PCDH15: variants seen among roughly 807,000 people sequenced by gnomAD.
The protein encoded by PCDH15 is protocadherin-15.
PCDH15 carries 129 observed loss-of-function variants against 178.5 expected under a neutral mutation model. The observed-to-expected ratio is 0.72, with a 90% confidence interval of 0.63 to 0.84. The LOEUF (loss-of-function observed/expected upper bound fraction) is 0.84, where lower values mean the gene tolerates loss of function less well. Ranked by LOEUF, PCDH15 falls within the 40% of genes least tolerant of loss-of-function variation. The pLI is 0.00. For synonymous variants in PCDH15, 800 were observed against 732.0 expected, an observed-to-expected ratio of 1.09 and a Z score of -1.50; for missense variants, 2,230 against 2,099.9, an observed-to-expected ratio of 1.06 and a Z score of -1.21.
intron 1 of PCDH15, among the ~76,000 whole-genome samples, chr10:54,670,109 A>G (rs1414138645): frequency 1.3e-5 from 2 of 152,162 alleles, no homozygotes; most frequent in Non-Finnish European, 1.5e-5. Flanking sequence ...GTCTCAACAT[A>G]TAGATTCATC....
chr10:54,523,869 A>C (rs1406596786), intron 3 of PCDH15, among the ~76,000 whole-genome samples: 2 of 152,194 alleles, frequency 1.3e-5, no homozygotes, highest in African/African-American at 4.8e-5. Context: ...GAAGAAATGA[A>C]ATAACTGTTT....
intron 2 of PCDH15, among the ~76,000 whole-genome samples, chr10:54,952,665 C>T (rs1224414363): frequency 6.6e-6 from 1 of 151,714 alleles, no homozygotes. Flanking sequence ...ATATCTGATG[C>T]ACTTTATCAG....
At chr10:53,835,220 A>G (rs1376081529) in intron 29 of PCDH15, among the ~76,000 whole-genome samples, 2 of 152,196 alleles carry the variant, frequency 1.3e-5, no homozygotes, top group Admixed American at 6.5e-5. Context: ...TTTAAGGTCT[A>G]AGTGTGTTTT....
chr10:55,012,233 A>G (rs1840061846), intron 2 of PCDH15, among the ~76,000 whole-genome samples: 1 of 152,114 alleles, frequency 6.6e-6, no homozygotes. Flanking sequence ...CAAAAAAGAT[A>G]TATTAAAAAT....
chr10:55,153,860 G>C (rs1227845969), intron 2 of PCDH15, among the ~76,000 whole-genome samples: 4 of 152,170 alleles, frequency 2.6e-5, no homozygotes, highest in Admixed American at 1.3e-4. Context: ...CTGAAGAAAA[G>C]ACAAGTTCTA....
chr10:53,989,223 A>G (rs1264096293), intron 21 of PCDH15, among the ~76,000 whole-genome samples: 1 of 152,152 alleles, frequency 6.6e-6, no homozygotes, highest in East Asian at 1.9e-4. Flanking sequence ...GACATTTTCC[A>G]GGCTAGATTT....
intron 6 of PCDH15, among the ~76,000 whole-genome samples, chr10:54,343,023 T>C (rs1404994086): frequency 1.3e-5 from 2 of 152,190 alleles, no homozygotes; most frequent in African/African-American, 4.8e-5. Context: ...AATTGACTTG[T>C]CTCAGATGAA....
At chr10:55,334,242 A>ATATATATATATATATG (rs1291195941) in intron 2 of PCDH15, among the ~76,000 whole-genome samples, 36 of 72,136 alleles carry the variant, frequency 5.0e-4, no homozygotes, top group African/African-American at 1.4e-3. Flanking sequence ...ATATATATAT[A>ATATATATATATATATG]TGTGTGTGTG....
intron 5 of PCDH15, among the ~76,000 whole-genome samples, chr10:54,352,848 C>T (rs201606787): frequency 5.3e-5 from 8 of 152,124 alleles, no homozygotes; most frequent in Non-Finnish European, 7.4e-5. Context: ...GAATCTTCCA[C>T]GTTTAATCAA....
At chr10:53,965,668 C>T (rs989982372) in intron 21 of PCDH15, among the ~76,000 whole-genome samples, 1 of 152,092 alleles carries the variant, frequency 6.6e-6, no homozygotes, top group Non-Finnish European at 1.5e-5. Context: ...TTCAAGTCAC[C>T]TCCAGAACAG....
chr10:54,377,927 A>AT (rs902227059), intron 4 of PCDH15, among the ~76,000 whole-genome samples: 19 of 151,068 alleles, frequency 1.3e-4, no homozygotes, highest in South Asian at 8.4e-4. Flanking sequence ...TAATTTAGCA[A>AT]TTTTTTTTTG....
At chr10:54,834,975 G>A (rs1245775834) in intron 3 of PCDH15, among the ~76,000 whole-genome samples, 1 of 152,094 alleles carries the variant, frequency 6.6e-6, no homozygotes, top group East Asian at 1.9e-4. Flanking sequence ...TGCAGCACAT[G>A]GATTGAGAGT....
At chr10:53,811,654 G>A (rs868737139) in intron 35 of PCDH15, 35 bp from the exon 36 acceptor site, 11 of 1,381,174 alleles carry the variant, frequency 8.0e-6, no homozygotes, top group Middle Eastern at 1.8e-4. Flanking sequence ...ATTTGAAAAC[G>A]AATTCTTATC....
chr10:54,713,101 C>T (rs1038856441), intron 1 of PCDH15, among the ~76,000 whole-genome samples: 15 of 151,938 alleles, frequency 9.9e-5, no homozygotes, highest in African/African-American at 3.6e-4. Flanking sequence ...TCCTTCAATG[C>T]CTTGGCATAA....
chr10:55,090,919 T>C (rs1255984486), intron 2 of PCDH15, among the ~76,000 whole-genome samples: 2 of 151,816 alleles, frequency 1.3e-5, no homozygotes, highest in Non-Finnish European at 2.9e-5. Flanking sequence ...TTTCTTTTTT[T>C]TGGACTAAAG....
chr10:54,721,630 C>T (rs1054582653), intron 1 of PCDH15, among the ~76,000 whole-genome samples: 1 of 151,712 alleles, frequency 6.6e-6, no homozygotes, highest in African/African-American at 2.4e-5. Flanking sequence ...AGAGAAAATG[C>T]ATTTCTAGAA....
intron 1 of PCDH15, among the ~76,000 whole-genome samples, chr10:55,210,187 A>G (rs1267203768): frequency 6.6e-6 from 1 of 152,058 alleles, no homozygotes; most frequent in African/African-American, 2.4e-5. Flanking sequence ...TACTAATCCA[A>G]TTAAAATTTA....
intron 8 of PCDH15, among the ~76,000 whole-genome samples, chr10:54,307,564 T>C (rs912949437): frequency 2.0e-5 from 3 of 151,940 alleles, no homozygotes; most frequent in Non-Finnish European, 2.9e-5. Context: ...GATTCACTGA[T>C]ATATTTTGGC....
intron 1 of PCDH15, among the ~76,000 whole-genome samples, chr10:54,722,531 C>T (rs1941791978): frequency 6.7e-6 from 1 of 150,324 alleles, no homozygotes. Flanking sequence ...ATGATCTTTG[C>T]CTGATCTTTC....
Sources: gnomAD v4.1 joint callset for allele counts (sites outside exome capture counted in the v4.1 genomes callset) on GRCh38, gnomAD v4.1.1 for gene constraint, MANE v1.5 for transcripts, NCBI Gene and HGNC (gene_info 2026-07-23, HGNC 2026-07-21) for gene names.